The following DDR2 variants were observed in gnomAD, a reference collection of about 807,000 sequenced individuals.
The protein encoded by DDR2 is discoidin domain receptor tyrosine kinase 2, also known as discoidin domain-containing receptor 2.
Under a neutral mutation model 94.9 loss-of-function variants are expected in DDR2, and 27 were observed. The ratio of observed to expected loss-of-function variants is 0.28; its 90% CI spans 0.21 to 0.39. The LOEUF is 0.39. DDR2 is among the 10% of genes least tolerant of loss of function. The pLI is 1.00. For synonymous variants in DDR2, 382 were observed against 377.2 expected, an observed-to-expected ratio of 1.01 and a Z score of -0.15; for missense variants, 783 against 1,076.0, an observed-to-expected ratio of 0.73 and a Z score of 3.81.
intron 3 of DDR2, chr1:162,741,584 A>G: frequency 5.1e-6 from 5 of 985,394 alleles, no homozygotes; most frequent in Non-Finnish European, 6.0e-6. Flanking sequence ...ATCAGGGTCA[A>G]GATGGCAATC....
intron 1 of DDR2, among the ~76,000 whole-genome samples, chr1:162,639,622 A>C (rs1335981092): frequency 6.6e-6 from 1 of 152,262 alleles, no homozygotes. Context: ...TCTGTGAAAG[A>C]AATCCCTGAT....
chr1:162,710,724 AT>A (rs1310230858), intron 2 of DDR2, among the ~76,000 whole-genome samples: 3 of 151,622 alleles, frequency 2.0e-5, no homozygotes, highest in Non-Finnish European at 4.4e-5. Context: ...CCAAATCTTA[AT>A]CTTCAACACA....
rs2102060417 is a variant in DDR2, at chr1:162,730,931, C to T, written c.82+11786C>T. On this transcript the variant is annotated intron_variant, in intron 3 of 17. Coordinates refer to ENST00000367921, the MANE Select transcript of DDR2 (RefSeq NM_006182.4). ...GTCCCGTAGAGACCGTCTGCTAGTG[C>T]CAAACCCGGAGTCGGCCTCCTGCCC... Among the ~76,000 whole-genome samples the T allele has an allele frequency of 1.3e-5, 2 of 152,232 alleles. 1 individual carries two copies. The highest frequency in any genetic ancestry group is 3.9e-4 in the East Asian group (2 of 5,170).
At chr1:162,721,919 A>T (rs113017727) in intron 3 of DDR2, among the ~76,000 whole-genome samples, 9 of 152,220 alleles carry the variant, frequency 5.9e-5, no homozygotes, top group Admixed American at 4.6e-4. Context: ...AAATAAAATA[A>T]TAATTAGTTG....
intron 7 of DDR2, among the ~76,000 whole-genome samples, chr1:162,756,924 A>T (rs1182146856): frequency 6.6e-6 from 1 of 152,216 alleles, no homozygotes; most frequent in Non-Finnish European, 1.5e-5. Flanking sequence ...TTGTTAATCA[A>T]CTGTTACTAT....
intron 1 of DDR2, among the ~76,000 whole-genome samples, chr1:162,639,661 T>C (rs1657026742): frequency 6.6e-6 from 1 of 152,154 alleles, no homozygotes. Flanking sequence ...ATTGTAAACT[T>C]CCACTCTGTG....
chr1:162,728,379 A>T (rs1056441014), intron 3 of DDR2, among the ~76,000 whole-genome samples: 1 of 151,940 alleles, frequency 6.6e-6, no homozygotes, highest in Non-Finnish European at 1.5e-5. Flanking sequence ...CAGGCCAGGT[A>T]AAAAGAGGAA....
At chr1:162,638,653 T>C (rs1656960214) in intron 1 of DDR2, among the ~76,000 whole-genome samples, 1 of 152,160 alleles carries the variant, frequency 6.6e-6, no homozygotes, top group Non-Finnish European at 1.5e-5. Flanking sequence ...CAGAGGCATG[T>C]AAAAGTTAGA....
intron 1 of DDR2, among the ~76,000 whole-genome samples, chr1:162,638,833 AACAG>A (rs1421741756): frequency 6.6e-6 from 1 of 152,250 alleles, no homozygotes; most frequent in African/African-American, 2.4e-5. Flanking sequence ...ATGTGTACAT[AACAG>A]ACAGTTTAAA....
At chr1:162,702,136 C>T (rs1660460001) in intron 2 of DDR2, among the ~76,000 whole-genome samples, 1 of 152,030 alleles carries the variant, frequency 6.6e-6, no homozygotes, top group African/African-American at 2.4e-5. Context: ...TCCTTTTTCT[C>T]CTCTTTGTCT....
In DDR2 at chr1:162,658,884, C is replaced by T. The variant is rs1258115523; in HGVS notation, c.-28+3510C>T. Among the ~76,000 whole-genome samples the T allele has an allele frequency of 3.0e-5, 4 of 133,658 alleles. No homozygotes were observed. The East Asian group carries it at 9.8e-4, about 33-fold the overall frequency. The allele number at this position is 133,658 out of a possible 152,430, so 87.7% of individuals were successfully genotyped here. ...TCAAAGAGGAATGGAGGGGAGGAAC[C>T]AAGGGCTGACATGGACAATTCTAGG... is the stretch of plus-strand genomic sequence containing the variant. On this transcript the variant is annotated intron_variant, in intron 2 of 17. Coordinates refer to ENST00000367921, the MANE Select transcript of DDR2 (RefSeq NM_006182.4).
chr1:162,757,082 C>A (rs1663498017), intron 7 of DDR2, among the ~76,000 whole-genome samples: 1 of 152,158 alleles, frequency 6.6e-6, no homozygotes, highest in Admixed American at 6.5e-5. Context: ...TAGCCTATGA[C>A]TGCTCTGGGG....
Position 162,780,097 on chromosome 1 carries a change from T to G in DDR2, c.2434-15T>G. ...TCTCTCTCTCTTTTGTTTTCCTTTA[T>G]TTTTGTTCCCAAAGACTTACCTCCC... On this transcript the variant is annotated splice_polypyrimidine_tract_variant and intron_variant, in intron 17 of 17. Coordinates refer to ENST00000367921, the MANE Select transcript of DDR2 (RefSeq NM_006182.4). The G allele has an allele frequency of 6.2e-7, 1 of 1,613,870 alleles. No homozygotes were observed. Among genetic ancestry groups the G allele is most frequent in the Non-Finnish European group, 8.5e-7 (1 of 1,179,832 alleles).
At chr1:162,699,157 G>A (rs1003362027) in intron 2 of DDR2, among the ~76,000 whole-genome samples, 1 of 152,136 alleles carries the variant, frequency 6.6e-6, no homozygotes, top group Admixed American at 6.5e-5. Flanking sequence ...GTGGGGAGAG[G>A]GCAAGGAGAT....
At chr1:162,728,086 A>C (rs1000148849) in intron 3 of DDR2, among the ~76,000 whole-genome samples, 10 of 136,988 alleles carry the variant, frequency 7.3e-5, no homozygotes, top group African/African-American at 2.7e-4. Flanking sequence ...CTATATATAG[A>C]TATAATCACA....
chr1:162,753,602 A>G (rs766373126), intron 4 of DDR2, among the ~76,000 whole-genome samples: 55 of 152,238 alleles, frequency 3.6e-4, no homozygotes, highest in Non-Finnish European at 4.4e-4. Context: ...GGTCTATGAA[A>G]CATCACTCAC....
chr1:162,635,211 G>C (rs1444665989), intron 1 of DDR2, among the ~76,000 whole-genome samples: 3 of 152,120 alleles, frequency 2.0e-5, no homozygotes, highest in African/African-American at 7.2e-5. Context: ...TTGCTCCCCA[G>C]TCTTGAAGTC....
rs188833676 is a variant in DDR2, at chr1:162,781,726, G to T, written c.*1480G>T. On this transcript the variant is annotated 3_prime_UTR_variant, in exon 18 of 18. Transcript: ENST00000367921. ...TGGAAACAGAGCCACTGTCAAGAAG[G>T]AATCTGCTCAGAGCAGATTCTGAGT... 2.6e-5 allele frequency: 4 copies of T among 152,278 alleles called. No homozygotes were observed. Among genetic ancestry groups the T allele is most frequent in the African/African-American group, 9.6e-5 (4 of 41,558 alleles). 9.4% of individuals were successfully genotyped at this position (152,278 alleles called of 1,614,324 possible).
At chr1:162,766,683 C>A (rs1241707093) in intron 10 of DDR2, among the ~76,000 whole-genome samples, 1 of 152,070 alleles carries the variant, frequency 6.6e-6, no homozygotes, top group Non-Finnish European at 1.5e-5. Flanking sequence ...CTCTGTCTGA[C>A]ACATGGAGAG....
Sources: allele counts gnomAD v4.1 joint callset (sites outside exome capture counted in the v4.1 genomes callset), GRCh38; gene constraint gnomAD v4.1.1; transcripts MANE v1.5; gene names NCBI Gene and HGNC (gene_info 2026-07-23, HGNC 2026-07-21).